The following CACNA1D variants were observed in gnomAD, a reference collection of about 807,000 sequenced individuals.
CACNA1D encodes calcium voltage-gated channel subunit alpha1 D, also known as voltage-dependent L-type calcium channel subunit alpha-1D.
Under a neutral mutation model 257.1 loss-of-function variants are expected in CACNA1D, and 55 were observed. The observed-to-expected ratio is 0.21, with a 90% confidence interval of 0.17 to 0.27. CACNA1D has a LOEUF of 0.27. CACNA1D is among the 10% of genes least tolerant of loss of function. CACNA1D has a pLI of 1.00. For missense variants in CACNA1D, 1,876 were observed against 2,784.0 expected, an observed-to-expected ratio of 0.67 and a Z score of 7.34; for synonymous variants, 980 against 1,014.9, an observed-to-expected ratio of 0.97 and a Z score of 0.65.
At chr3:53,650,706 C>G (rs1005038315) in intron 3 of CACNA1D, 73 bp from the exon 4 acceptor site, 3 of 1,479,910 alleles carry the variant, frequency 2.0e-6, no homozygotes, top group Admixed American at 1.7e-5. Flanking sequence ...ATTCTAATCT[C>G]TGTTCCTTTT....
chr3:53,629,664 G>A (rs890893002), intron 3 of CACNA1D, among the ~76,000 whole-genome samples: 18 of 152,054 alleles, frequency 1.2e-4, no homozygotes, highest in African/African-American at 3.1e-4. Context: ...CCCTTCTTTC[G>A]TTTTTCTCCC....
intron 45 of CACNA1D, among the ~76,000 whole-genome samples, chr3:53,805,463 T>C (rs2095557635): frequency 6.6e-6 from 1 of 152,172 alleles, no homozygotes; most frequent in South Asian, 2.1e-4. Context: ...CCTGGGACCA[T>C]CCTGAGAGGG....
chr3:53,571,877 G>C (rs934674042), intron 3 of CACNA1D, among the ~76,000 whole-genome samples: 1 of 152,162 alleles, frequency 6.6e-6, no homozygotes, highest in African/African-American at 2.4e-5. Flanking sequence ...ACCAGAACCA[G>C]GACCAGGCTT....
intron 29 of CACNA1D, among the ~76,000 whole-genome samples, chr3:53,754,756 T>G (rs2095251952): frequency 6.6e-6 from 1 of 152,234 alleles, no homozygotes. Flanking sequence ...AGTGACCCAG[T>G]TAGTTATCTC....
At chr3:53,691,402 T>C (rs890717732) in intron 8 of CACNA1D, among the ~76,000 whole-genome samples, 5 of 151,882 alleles carry the variant, frequency 3.3e-5, no homozygotes. Context: ...GGCCTCCCAA[T>C]TGAAGAATAC....
intron 3 of CACNA1D, among the ~76,000 whole-genome samples, chr3:53,601,958 G>C (rs953282978): frequency 6.6e-6 from 1 of 152,098 alleles, no homozygotes; most frequent in Admixed American, 6.6e-5. Context: ...TAATCGGCCC[G>C]CCTCAGCCTC....
At chr3:53,650,708 G>C in intron 3 of CACNA1D, 71 bp from the exon 4 acceptor site, 6 of 1,497,910 alleles carry the variant, frequency 4.0e-6, no homozygotes, top group Middle Eastern at 2.1e-4. Context: ...TCTAATCTCT[G>C]TTCCTTTTTC....
chr3:53,495,414 C>G lies in CACNA1D; in HGVS notation c.67+181C>G, dbSNP rs1464913783. Among the ~76,000 whole-genome samples, 2 of 152,196 alleles carry G rather than the reference C, an allele frequency of 1.3e-5. No individual in the cohort carries two copies. On this transcript the variant is annotated intron_variant, in intron 1 of 47. Transcript: ENST00000350061. This position sits in a 1 kb window ranked among gnomAD's most constrained non-coding sequence, Gnocchi z 5.1. ...AGCCACTCCGCGCTCCCCTCCAGGC[C>G]CTGAATGTCAGAGTTAATTCTGCAT...
chr3:53,722,652 G>A (rs192649419), intron 12 of CACNA1D, among the ~76,000 whole-genome samples, 178 bp downstream of exon 12: 6 of 152,326 alleles, frequency 3.9e-5, no homozygotes, highest in South Asian at 2.1e-4. Flanking sequence ...CATCTGTGCC[G>A]CGTGGTGAAG....
intron 9 of CACNA1D, among the ~76,000 whole-genome samples, chr3:53,716,686 G>C (rs1238549543): frequency 6.6e-6 from 1 of 152,118 alleles, no homozygotes; most frequent in Non-Finnish European, 1.5e-5. Flanking sequence ...TTCTATGAGA[G>C]TACCAGCAAT....
At chr3:53,755,389 C>T (rs767319683) in intron 29 of CACNA1D, among the ~76,000 whole-genome samples, 3 of 152,136 alleles carry the variant, frequency 2.0e-5, no homozygotes, top group Non-Finnish European at 2.9e-5. Context: ...TCCCTTCAGC[C>T]GGCCAGTGCA....
chr3:53,623,875 T>C (rs1172751431), intron 3 of CACNA1D, among the ~76,000 whole-genome samples: 1 of 152,222 alleles, frequency 6.6e-6, no homozygotes, highest in Non-Finnish European at 1.5e-5. Context: ...TCTCTGTTAA[T>C]TTGGAGAACA....
intron 19 of CACNA1D, among the ~76,000 whole-genome samples, chr3:53,734,406 TTAAATA>T (rs2095036708): frequency 6.6e-6 from 1 of 152,044 alleles, no homozygotes; most frequent in South Asian, 2.1e-4. Context: ...ACTTTACAAT[TTAAATA>T]TATGTGTATA....
intron 3 of CACNA1D, among the ~76,000 whole-genome samples, chr3:53,578,498 C>G: frequency 6.6e-6 from 1 of 152,148 alleles, no homozygotes; most frequent in Non-Finnish European, 1.5e-5. Flanking sequence ...AGCCGAAAGT[C>G]TTTAAGGGGT....
At chr3:53,786,521 A>G in intron 39 of CACNA1D, 1 of 359,664 alleles carries the variant, frequency 2.8e-6, no homozygotes, top group Non-Finnish European at 5.2e-6. Flanking sequence ...TAACCAAGAC[A>G]GCATTTCATA....
chr3:53,632,357 G>T (rs2108126009), intron 3 of CACNA1D, among the ~76,000 whole-genome samples: 1 of 152,344 alleles, frequency 6.6e-6, no homozygotes, highest in East Asian at 1.9e-4. Flanking sequence ...GAATTTAAGA[G>T]AGTTAGGGCC....
At chr3:53,592,305 A>G (rs959947980) in intron 3 of CACNA1D, among the ~76,000 whole-genome samples, 1 of 152,190 alleles carries the variant, frequency 6.6e-6, no homozygotes, top group African/African-American at 2.4e-5. Context: ...GAGGATAGCC[A>G]GGGCAGAGGG....
chr3:53,677,846 TTG>T lies in CACNA1D; in HGVS notation c.1220+4723_1220+4724del, dbSNP rs1429880738. On this transcript the variant is annotated intron_variant, in intron 8 of 47. Coordinates refer to ENST00000350061, the MANE Select transcript of CACNA1D (RefSeq NM_001128840.3). The stretch of plus-strand genomic sequence containing the variant: ...TGAATGTTTGTTCTACCTTTTCCAG[TTG>T]TGAGATTTGGGGCAAGTTACTTACC... Among the ~76,000 whole-genome samples the T allele has an allele frequency of 3.9e-5, 6 of 152,218 alleles. No individual in the cohort carries two copies. In the East Asian group the frequency reaches 1.2e-3, roughly 29 times the overall value.
chr3:53,521,741 G>A (rs1308853219), intron 3 of CACNA1D, among the ~76,000 whole-genome samples: 3 of 152,126 alleles, frequency 2.0e-5, no homozygotes. Flanking sequence ...ATAGCCTGGA[G>A]CCACACTGTC....
Sources: gnomAD v4.1 joint callset for allele counts (sites outside exome capture counted in the v4.1 genomes callset) on GRCh38, gnomAD v4.1.1 for gene constraint, Gnocchi (gnomAD v3.1) non-coding constraint, MANE v1.5 for transcripts, NCBI Gene and HGNC (gene_info 2026-07-23, HGNC 2026-07-21) for gene names.